The following ATG10 variants were observed in gnomAD, a reference collection of about 807,000 sequenced individuals.
ATG10 encodes the protein ubiquitin-like-conjugating enzyme ATG10.
ATG10 carries 30 observed loss-of-function variants against 32.1 expected under a neutral mutation model. That is an observed-to-expected ratio of 0.94 (90% CI 0.70 to 1.27). ATG10 has a LOEUF of 1.27. Ranked by LOEUF, ATG10 falls within the 50% of genes most tolerant of loss-of-function variation. ATG10 has a pLI of 0.00. For synonymous variants in ATG10, 87 were observed against 91.5 expected (o/e 0.95, Z 0.28); for missense variants, 233 against 262.3 (o/e 0.89, Z 0.77).
intron 3 of ATG10, among the ~76,000 whole-genome samples, chr5:82,082,112 C>A (rs1329698998): frequency 6.6e-6 from 1 of 152,110 alleles, no homozygotes; most frequent in Non-Finnish European, 1.5e-5. Flanking sequence ...CCTCCCATGA[C>A]ACATGGGAAT....
intron 2 of ATG10, among the ~76,000 whole-genome samples, chr5:82,038,997 C>T (rs997675161): frequency 6.6e-6 from 1 of 152,114 alleles, no homozygotes; most frequent in African/African-American, 2.4e-5. Flanking sequence ...ATGGCATGTG[C>T]CACTATGCCT....
chr5:82,132,481 A>G lies in ATG10; in HGVS notation c.217-31918A>G, dbSNP rs186104031. Among the ~76,000 whole-genome samples the G allele has an allele frequency of 5.3e-4, 70 of 131,558 alleles. 5 individuals are homozygous for G. The East Asian group carries it at 0.015, about 29-fold the overall frequency. The allele number at this position is 131,558 out of a possible 152,430, so 86.3% of individuals were successfully genotyped here. The stretch of plus-strand genomic sequence containing the variant: ...CATGTGTTCTCATTGTTCAACTCCC[A>G]CTTAAGAGTGAGAACATGCAGTGTT... On this transcript the variant is annotated intron_variant, in intron 3 of 7. Coordinates refer to ENST00000282185, the MANE Select transcript of ATG10 (RefSeq NM_031482.5).
At chr5:82,252,715 C>G in intron 6 of ATG10, 56 bp downstream of exon 6, 3 of 1,016,576 alleles carry the variant, frequency 3.0e-6, no homozygotes, top group Non-Finnish European at 4.5e-6. Context: ...AAGTGTAAAT[C>G]TTTTTATGTG....
At chr5:82,225,985 A>G (rs1746116464) in intron 5 of ATG10, among the ~76,000 whole-genome samples, 1 of 152,174 alleles carries the variant, frequency 6.6e-6, no homozygotes, top group South Asian at 2.1e-4. Flanking sequence ...TAACTTCTTT[A>G]GTGGAAGAAG....
chr5:81,999,815 G>A (rs79970406), intron 2 of ATG10, among the ~76,000 whole-genome samples: 14,772 of 151,960 alleles, frequency 0.097, 956 homozygotes, highest in South Asian at 0.22. Context: ...GGAAACATAC[G>A]ACTTCCCAAG....
chr5:82,144,112 G>A (rs150666476), intron 3 of ATG10, among the ~76,000 whole-genome samples: 5 of 151,912 alleles, frequency 3.3e-5, no homozygotes, highest in African/African-American at 9.7e-5. Context: ...AATTTTTGGT[G>A]TACATTATTT....
At chr5:82,225,336 A>T (rs1406107211) in intron 5 of ATG10, among the ~76,000 whole-genome samples, 1 of 152,224 alleles carries the variant, frequency 6.6e-6, no homozygotes, top group Non-Finnish European at 1.5e-5. Context: ...TGGGGACCAT[A>T]ACATTAGGGG....
At chr5:82,019,312 G>A (rs918574199) in intron 2 of ATG10, among the ~76,000 whole-genome samples, 6 of 152,020 alleles carry the variant, frequency 3.9e-5, no homozygotes, top group Non-Finnish European at 8.8e-5. Context: ...CAGTAAAAAT[G>A]GATTTTTTTC....
intron 5 of ATG10, among the ~76,000 whole-genome samples, chr5:82,213,776 A>T (rs1745578423): frequency 6.6e-6 from 1 of 152,206 alleles, no homozygotes; most frequent in Non-Finnish European, 1.5e-5. Flanking sequence ...TCCAGTGTTT[A>T]GCAGGTGGAT....
At chr5:82,237,960 C>T (rs1426947163) in intron 5 of ATG10, among the ~76,000 whole-genome samples, 2 of 152,184 alleles carry the variant, frequency 1.3e-5, no homozygotes, top group Non-Finnish European at 2.9e-5. Flanking sequence ...CGATTGAAGC[C>T]ATACAGCAAG....
chr5:82,088,066 G>C (rs1764750530), intron 3 of ATG10, among the ~76,000 whole-genome samples: 1 of 152,138 alleles, frequency 6.6e-6, no homozygotes, highest in South Asian at 2.1e-4. Flanking sequence ...TTTCAGTGGT[G>C]TTGCCCTGAA....
At chr5:82,115,783 G>T (rs992606877) in intron 3 of ATG10, among the ~76,000 whole-genome samples, 2 of 152,058 alleles carry the variant, frequency 1.3e-5, no homozygotes, top group African/African-American at 4.8e-5. Flanking sequence ...AAAGGGTAGG[G>T]TCTTTTATGG....
intron 3 of ATG10, among the ~76,000 whole-genome samples, chr5:82,088,024 TAAAAAG>T (rs1223801705): frequency 2.6e-5 from 4 of 152,106 alleles, no homozygotes; most frequent in Non-Finnish European, 5.9e-5. Flanking sequence ...GATAAATAAA[TAAAAAG>T]AAAGAAAATG....
chr5:82,138,844 TCCCC>T (rs1766890909), intron 3 of ATG10, among the ~76,000 whole-genome samples: 1 of 3,072 alleles, frequency 3.3e-4, no homozygotes, highest in Non-Finnish European at 1.3e-3. Flanking sequence ...GAGCTCTCCC[TCCCC>T]CTCCCCCTCC....
Position 82,234,241 on chromosome 5 carries a change from C to T in ATG10, c.454-18321C>T, listed in dbSNP as rs577640105. On this transcript the variant is annotated intron_variant, in intron 5 of 7. Transcript: ENST00000282185. ...GGCAGATGGGGGAGGGTAAAGAGCT[C>T]TTTCTGAATTTGCTGCGTTTGAATT... Among the ~76,000 whole-genome samples the T allele has an allele frequency of 7.2e-5, 11 of 152,224 alleles. No homozygotes were observed. In the South Asian group the frequency reaches 1.9e-3, roughly 26 times the overall value.
chr5:82,009,457 C>A (rs1166578152), intron 2 of ATG10: 1 of 633,736 alleles, frequency 1.6e-6, no homozygotes, highest in African/African-American at 1.8e-5. Flanking sequence ...TGGGAGGGAA[C>A]AAGGAAAACA....
intron 5 of ATG10, among the ~76,000 whole-genome samples, chr5:82,229,540 T>C (rs192470142): frequency 6.6e-4 from 100 of 152,358 alleles, no homozygotes; most frequent in African/African-American, 2.2e-3. Context: ...TATAATTTTG[T>C]GTGCTGGTTT....
At chr5:81,981,967 T>G (rs1305667650) in intron 1 of ATG10, among the ~76,000 whole-genome samples, 1 of 152,260 alleles carries the variant, frequency 6.6e-6, no homozygotes, top group Non-Finnish European at 1.5e-5. Flanking sequence ...GCTTCTTCTA[T>G]CCTTCTAGTC....
chr5:82,211,301 T>C (rs1581807550), intron 5 of ATG10, among the ~76,000 whole-genome samples: 1 of 152,178 alleles, frequency 6.6e-6, no homozygotes, highest in South Asian at 2.1e-4. Context: ...TCCTATCTTA[T>C]AGTGTATTAT....
Sources: allele counts gnomAD v4.1 joint callset (sites outside exome capture counted in the v4.1 genomes callset), GRCh38; gene constraint gnomAD v4.1.1; transcripts MANE v1.5; gene names NCBI Gene and HGNC (gene_info 2026-07-23, HGNC 2026-07-21).